Variants in PUS10 observed in about 807,000 individuals in gnomAD.
PUS10 encodes the protein tRNA pseudouridine synthase Pus10.
Under a neutral mutation model 75.0 loss-of-function variants are expected in PUS10, and 59 were observed. That is an observed-to-expected ratio of 0.79 (90% CI 0.64 to 0.98). The LOEUF is 0.98. PUS10 is among the 50% of genes least tolerant of loss of function. PUS10 has a pLI of 0.00. For synonymous variants in PUS10, 219 were observed against 211.6 expected (o/e 1.03, Z -0.30); for missense variants, 650 against 614.4 (o/e 1.06, Z -0.61).
At chr2:60,951,899 T>C (rs1322031047) in intron 15 of PUS10, among the ~76,000 whole-genome samples, 1 of 152,232 alleles carries the variant, frequency 6.6e-6, no homozygotes, top group African/African-American at 2.4e-5. Context: ...ATAGTAGTGG[T>C]CCATTATACA....
chr2:60,991,805 T>A (rs1295224233), intron 4 of PUS10, among the ~76,000 whole-genome samples: 1 of 152,180 alleles, frequency 6.6e-6, no homozygotes, highest in Non-Finnish European at 1.5e-5. Context: ...ACTAGCGATC[T>A]TAGCCAATGC....
chr2:60,972,738 G>C (rs748921188), intron 4 of PUS10, among the ~76,000 whole-genome samples: 1 of 152,210 alleles, frequency 6.6e-6, no homozygotes, highest in Non-Finnish European at 1.5e-5. Context: ...TTAATTTATG[G>C]ATATGCTGTG....
chr2:61,001,315 T>A (rs1678842581), intron 4 of PUS10, among the ~76,000 whole-genome samples: 1 of 151,388 alleles, frequency 6.6e-6, no homozygotes, highest in African/African-American at 2.4e-5. Flanking sequence ...AGATGTAGTC[T>A]CCCCAGGCTG....
At position 61,009,005 on chromosome 2, in the gene PUS10, T is replaced by C. The variant is rs578029887; in HGVS notation, c.137A>G (p.Asn46Ser). ...PYKLPYKELL[N>S]ELQKFLETEK... ...AGTTTCCAGAAATTTCTGTAGTTCA[T>C]TGAGCAACTCCTGGAAAGTTAATGA... The change falls in exon 3 of 18, where the codon AAT (asparagine) becomes AGT (serine). Residue 46 changes from asparagine to serine, a missense_variant. Coordinates refer to ENST00000316752, the MANE Select transcript of PUS10 (RefSeq NM_144709.4). 8.1e-6 allele frequency: 13 copies of C among 1,612,130 alleles called. No homozygotes were observed. The African/African-American group carries it at 1.7e-4, about 22-fold the overall frequency.
chr2:60,997,620 A>AG (rs1427075615), intron 4 of PUS10, among the ~76,000 whole-genome samples: 1 of 128,584 alleles, frequency 7.8e-6, no homozygotes, highest in African/African-American at 5.1e-5. Context: ...AAAAAAAAAA[A>AG]AAAAAAAAAG....
chr2:60,951,275 C>G (rs1675323714), intron 15 of PUS10, among the ~76,000 whole-genome samples: 1 of 152,078 alleles, frequency 6.6e-6, no homozygotes, highest in Non-Finnish European at 1.5e-5. Context: ...GCACCAGGGA[C>G]CAGTTTCTGG....
chr2:61,011,921 G>A lies in PUS10; in HGVS notation c.-15-16C>T. The A allele has an allele frequency of 6.3e-7, 1 of 1,578,908 alleles. No individual in the cohort carries two copies. Among genetic ancestry groups the A allele is most frequent in the Admixed American group, 1.9e-5 (1 of 51,348 alleles). ...ATAATTATAACTAGAAAGAAAAGAAGTAAAACTAATGAGCAGCTTCTGCGT... is the reference window on the plus strand; with the variant it reads ...ATAATTATAACTAGAAAGAAAAGAAATAAAACTAATGAGCAGCTTCTGCGT... On this transcript the variant is annotated splice_polypyrimidine_tract_variant and intron_variant, in intron 1 of 17. Transcript: ENST00000316752.
intron 1 of PUS10, among the ~76,000 whole-genome samples, chr2:61,012,499 C>G (rs1189630339): frequency 6.6e-6 from 1 of 151,718 alleles, no homozygotes; most frequent in Admixed American, 6.6e-5. Context: ...CCAGAACCCC[C>G]TTTCCCCAAA....
chr2:60,959,080 C>T (rs559641139), intron 11 of PUS10, among the ~76,000 whole-genome samples: 24 of 152,290 alleles, frequency 1.6e-4, no homozygotes, highest in Admixed American at 9.2e-4. Flanking sequence ...ATCCCATGAA[C>T]CTGGGCTCGT....
At chr2:60,965,036 A>G (rs1331998980) in intron 8 of PUS10, 22 bp downstream of exon 8, 4 of 1,611,008 alleles carry the variant, frequency 2.5e-6, no homozygotes, top group Non-Finnish European at 3.4e-6. Context: ...CTCAAGACTA[A>G]GAAGCGGGAA....
At chr2:60,983,803 T>C (rs1332165925) in intron 4 of PUS10, among the ~76,000 whole-genome samples, 1 of 151,322 alleles carries the variant, frequency 6.6e-6, no homozygotes, top group Non-Finnish European at 1.5e-5. Context: ...AAAAAAGAAA[T>C]GACAAAACTA....
At chr2:60,957,632 G>C (rs1675761334) in intron 11 of PUS10, among the ~76,000 whole-genome samples, 1 of 152,264 alleles carries the variant, frequency 6.6e-6, no homozygotes, top group South Asian at 2.1e-4. Flanking sequence ...GAGATGGCGG[G>C]CATCCCTAGG....
chr2:60,978,584 AAAG>A (rs1677189048), intron 4 of PUS10, among the ~76,000 whole-genome samples: 1 of 152,114 alleles, frequency 6.6e-6, no homozygotes, highest in Admixed American at 6.6e-5. Flanking sequence ...TGGGAAATGC[AAAG>A]GAGGAAGCAG....
rs913285006 is a variant in PUS10, at chr2:61,018,062, A to C, written c.-70T>G. The C allele has an allele frequency of 3.4e-5, 51 of 1,496,610 alleles. No homozygotes were observed. The highest frequency in any genetic ancestry group is 4.3e-5 in the Non-Finnish European group (48 of 1,121,466). The allele number at this position is 1,496,610 out of a possible 1,614,324, so 92.7% of individuals were successfully genotyped here. Reference sequence around the variant, plus strand: ...TTCTGACCCGGCAGCTCTAATCAGCAACGTTTTTTTCGGGAGCTCCTGGGC... The same window carrying C: ...TTCTGACCCGGCAGCTCTAATCAGCCACGTTTTTTTCGGGAGCTCCTGGGC... On this transcript the variant is annotated 5_prime_UTR_variant, in exon 1 of 18. Transcript: ENST00000316752.
rs1195207978 is a variant in PUS10 at position 60,940,932 on chromosome 2, T to C, written c.*1463A>G. On this transcript the variant is annotated 3_prime_UTR_variant, in exon 18 of 18. Coordinates refer to ENST00000316752, the MANE Select transcript of PUS10 (RefSeq NM_144709.4). ...GGTTTCAACGTGGTATGAAACTATGTTGGTTCCAACGTGGCTGACTCCTTT... is the reference window on the plus strand; with the variant it reads ...GGTTTCAACGTGGTATGAAACTATGCTGGTTCCAACGTGGCTGACTCCTTT... 6.6e-6 allele frequency: 1 copy of C among 152,336 alleles called. No individual in the cohort carries two copies. The highest frequency in any genetic ancestry group is 1.5e-5 in the Non-Finnish European group (1 of 68,012). The allele number at this position is 152,336 out of a possible 1,614,324, so 9.4% of individuals were successfully genotyped here. A position where few individuals can be genotyped will look rare whatever the true frequency, so the allele number is the denominator to read the frequency against.
At chr2:60,954,817 C>A (rs1227347804) in intron 12 of PUS10, among the ~76,000 whole-genome samples, 2 of 152,170 alleles carry the variant, frequency 1.3e-5, no homozygotes, top group African/African-American at 2.4e-5. Flanking sequence ...TCAGGATGGC[C>A]TCTGAAGAAA....
chr2:60,950,398 T>C (rs965960811), intron 15 of PUS10, among the ~76,000 whole-genome samples: 2 of 152,164 alleles, frequency 1.3e-5, no homozygotes, highest in Non-Finnish European at 2.9e-5. Context: ...GTAAATTAAA[T>C]AGGGTCATAT....
At chr2:60,964,998 T>A in intron 8 of PUS10, 60 bp downstream of exon 8, 3 of 1,445,708 alleles carry the variant, frequency 2.1e-6, no homozygotes, top group Non-Finnish European at 2.9e-6. Flanking sequence ...TTGTTGGAAA[T>A]TTGAATATTC....
chr2:60,977,641 G>C (rs1677117271), intron 4 of PUS10, among the ~76,000 whole-genome samples: 1 of 152,162 alleles, frequency 6.6e-6, no homozygotes, highest in South Asian at 2.1e-4. Flanking sequence ...AAAGTATACT[G>C]TGAGAAAGTC....
Sources: allele counts gnomAD v4.1 joint callset (sites outside exome capture counted in the v4.1 genomes callset), GRCh38; gene constraint gnomAD v4.1.1; transcripts MANE v1.5; gene names NCBI Gene and HGNC (gene_info 2026-07-23, HGNC 2026-07-21).